Variants in MATN2 observed in about 807,000 individuals in gnomAD.
MATN2 encodes matrilin 2.
MATN2 carries 69 observed loss-of-function variants against 103.2 expected under a neutral mutation model. The ratio of observed to expected loss-of-function variants is 0.67; its 90% CI spans 0.55 to 0.82. MATN2 has a LOEUF of 0.82. Ranked by LOEUF, MATN2 falls within the 40% of genes least tolerant of loss-of-function variation. MATN2 has a pLI of 0.00. For synonymous variants in MATN2, 429 were observed against 450.2 expected (o/e 0.95, Z 0.60); for missense variants, 1,023 against 1,211.5 (o/e 0.84, Z 2.31).
intron 2 of MATN2, among the ~76,000 whole-genome samples, chr8:97,905,839 T>A (rs1257714323): frequency 6.6e-6 from 1 of 152,154 alleles, no homozygotes; most frequent in Non-Finnish European, 1.5e-5. Flanking sequence ...TTTTGTATTT[T>A]AAGTAGAGAC....
chr8:97,924,695 AG>A (rs5893436), intron 2 of MATN2, among the ~76,000 whole-genome samples: 98,888 of 151,106 alleles, frequency 0.65, 33,064 homozygotes, highest in East Asian at 0.92. Flanking sequence ...CAGGCAGGCA[AG>A]CATCTGTTTT....
At chr8:97,956,997 G>C (rs1333884783) in intron 4 of MATN2, among the ~76,000 whole-genome samples, 1 of 152,228 alleles carries the variant, frequency 6.6e-6, no homozygotes, top group East Asian at 1.9e-4. Flanking sequence ...ACTCTGGAGA[G>C]TCAAAACTGA....
intron 2 of MATN2, among the ~76,000 whole-genome samples, chr8:97,894,083 T>C (rs1818723517): frequency 6.6e-6 from 1 of 152,212 alleles, no homozygotes; most frequent in Admixed American, 6.5e-5. Context: ...TAAGAGAGCA[T>C]TTTGTGGCAA....
chr8:98,026,078 T>C (rs2513810), intron 13 of MATN2, among the ~76,000 whole-genome samples: 71,222 of 149,698 alleles, frequency 0.48, 18,315 homozygotes, highest in African/African-American at 0.68. Flanking sequence ...ACTTGGGAGG[T>C]TGAGGCAGGA....
At chr8:97,998,311 G>C (rs1586139330) in intron 7 of MATN2, among the ~76,000 whole-genome samples, 1 of 150,302 alleles carries the variant, frequency 6.7e-6, no homozygotes, top group Non-Finnish European at 1.5e-5. Context: ...ACAAGGTCAG[G>C]AGATCGAGAC....
chr8:98,005,731 A>G lies in MATN2; in HGVS notation c.1328-1374A>G, dbSNP rs1249805361. Among the ~76,000 whole-genome samples the G allele has an allele frequency of 1.3e-5, 2 of 152,204 alleles. No individual in the cohort carries two copies. The highest frequency in any genetic ancestry group is 4.8e-5 in the African/African-American group (2 of 41,452). Reference sequence around the variant, plus strand: ...ACTCTGTGCAGGCAATGCCCTGAGCACTTCCCATGCATAAACTCCCTGCAT... The same window carrying G: ...ACTCTGTGCAGGCAATGCCCTGAGCGCTTCCCATGCATAAACTCCCTGCAT... On this transcript the variant is annotated intron_variant, in intron 8 of 18. Coordinates refer to ENST00000254898, the MANE Select transcript of MATN2 (RefSeq NM_002380.5). This position sits in a 1 kb window ranked among gnomAD's most constrained non-coding sequence, Gnocchi z 4.6.
At chr8:97,886,284 G>A (rs184810729) in intron 1 of MATN2, among the ~76,000 whole-genome samples, 3 of 152,214 alleles carry the variant, frequency 2.0e-5, no homozygotes, top group Admixed American at 2.0e-4. Context: ...AATAATAATA[G>A]AAATAAAGTG....
At chr8:97,957,210 G>A (rs1173257991) in intron 4 of MATN2, among the ~76,000 whole-genome samples, 4 of 152,216 alleles carry the variant, frequency 2.6e-5, no homozygotes, top group Admixed American at 2.0e-4. Context: ...TCACCAGGTG[G>A]AGAAGGTGGA....
At chr8:98,006,983 G>A (rs1812993263) in intron 8 of MATN2, 122 bp from the exon 9 acceptor site, 2 of 1,008,942 alleles carry the variant, frequency 2.0e-6, no homozygotes, top group African/African-American at 3.2e-5. Flanking sequence ...GATCAGTGAT[G>A]TGGGGTAGAA....
Position 98,011,136 on chromosome 8 carries a change from G to C in MATN2, c.1573+3535G>C, listed in dbSNP as rs574166565. The stretch of plus-strand genomic sequence containing the variant: ...TGTCCTCATATTGCATGGGTTGTAG[G>C]GGGTGAGAGAGCAAAAGAGTGCAGG... On this transcript the variant is annotated intron_variant, in intron 10 of 18. Coordinates refer to ENST00000254898, the MANE Select transcript of MATN2 (RefSeq NM_002380.5). Among the ~76,000 whole-genome samples the C allele has an allele frequency of 1.8e-4, 27 of 152,264 alleles. No homozygotes were observed. The South Asian group carries it at 2.9e-3, about 16-fold the overall frequency.
chr8:98,018,500 G>C (rs575307433), intron 12 of MATN2, among the ~76,000 whole-genome samples: 38 of 152,274 alleles, frequency 2.5e-4, no homozygotes, highest in African/African-American at 8.2e-4. Flanking sequence ...GTAAAAGTAA[G>C]GGCAAAGGGT....
intron 13 of MATN2, among the ~76,000 whole-genome samples, chr8:98,026,997 AAAT>A (rs1035100747): frequency 3.9e-5 from 6 of 152,150 alleles, no homozygotes; most frequent in Admixed American, 3.9e-4. Flanking sequence ...TGAGCTGAAG[AAAT>A]CTCTTTCTCC....
chr8:98,021,997 T>G (rs1188073095), intron 13 of MATN2, among the ~76,000 whole-genome samples: 1 of 152,188 alleles, frequency 6.6e-6, no homozygotes, highest in Non-Finnish European at 1.5e-5. Flanking sequence ...ATCAATCCAG[T>G]TCTAGAAGTT....
intron 10 of MATN2, among the ~76,000 whole-genome samples, chr8:98,016,041 T>C (rs572364238): frequency 6.6e-6 from 1 of 152,360 alleles, no homozygotes; most frequent in African/African-American, 2.4e-5. Context: ...ATTCTGTAAC[T>C]TGTATTCTCA....
rs1766730060 is a variant in MATN2 at position 98,005,035 on chromosome 8, C to T, written c.1327+1252C>T. Among the ~76,000 whole-genome samples the T allele has an allele frequency of 6.6e-6, 1 of 152,238 alleles. No homozygotes were observed. The highest frequency in any genetic ancestry group is 1.5e-5 in the Non-Finnish European group (1 of 68,042). On this transcript the variant is annotated intron_variant, in intron 8 of 18. Coordinates refer to ENST00000254898, the MANE Select transcript of MATN2 (RefSeq NM_002380.5). The surrounding 1 kb of genome is among the most constrained non-coding windows in gnomAD (Gnocchi z 4.6). ...CCACTCAGCAAGCCCCACATCTGCT[C>T]CCTTTGGAGAAAGAGATAGATTGTG...
chr8:97,923,634 CTA>C (rs1809887578), intron 2 of MATN2, among the ~76,000 whole-genome samples: 1 of 151,964 alleles, frequency 6.6e-6, no homozygotes, highest in Non-Finnish European at 1.5e-5. Flanking sequence ...CGGCTCACTG[CTA>C]TGTCTAGCCT....
chr8:97,994,727 C>A, intron 7 of MATN2, 125 bp downstream of exon 7: 1 of 1,069,498 alleles, frequency 9.4e-7, no homozygotes, highest in Non-Finnish European at 1.3e-6. Flanking sequence ...TAACATTATT[C>A]TCCCCTTTAT....
At chr8:97,894,953 A>C (rs1039875436) in intron 2 of MATN2, among the ~76,000 whole-genome samples, 5 of 151,032 alleles carry the variant, frequency 3.3e-5, no homozygotes, top group Admixed American at 1.3e-4. Flanking sequence ...GCTCACTGCA[A>C]CCTCCGCCTC....
rs1455170162 is a variant in MATN2, at chr8:97,931,148, C to A, written c.338C>A (p.Thr113Asn). 6.2e-7 allele frequency: 1 copy of A among 1,613,938 alleles called. No individual in the cohort carries two copies. The highest frequency in any genetic ancestry group is 2.2e-5 in the East Asian group (1 of 44,878). ...STVKNEFSLK[T>N]FKRKSEVERA... ...GTCAAGAATGAGTTCTCCCTCAAGA[C>A]CTTCAAGAGGAAGTCCGAGGTGGAG... is the stretch of plus-strand genomic sequence containing the variant. Residue 113 changes from threonine (T) to asparagine (N), a missense_variant, in exon 3 of 19, where the codon ACC (threonine) becomes AAC (asparagine). By Grantham distance (65) the Thr-to-Asn change is moderately conservative. Coordinates refer to ENST00000254898, the MANE Select transcript of MATN2 (RefSeq NM_002380.5). The surrounding 1 kb of genome is among the most constrained non-coding windows in gnomAD (Gnocchi z 4.1).
Sources: gnomAD v4.1 joint callset for allele counts (sites outside exome capture counted in the v4.1 genomes callset) on GRCh38, gnomAD v4.1.1 for gene constraint, Gnocchi (gnomAD v3.1) non-coding constraint, MANE v1.5 for transcripts, NCBI Gene and HGNC (gene_info 2026-07-23, HGNC 2026-07-21) for gene names.